Variants in TENM2 observed in about 807,000 individuals in gnomAD.
TENM2 encodes teneurin-2.
TENM2 carries 52 observed loss-of-function variants against 245.2 expected under a neutral mutation model. That is an observed-to-expected ratio of 0.21 (90% CI 0.17 to 0.27). The LOEUF (loss-of-function observed/expected upper bound fraction) is 0.27. Ranked by LOEUF, TENM2 falls within the 10% of genes least tolerant of loss-of-function variation. The pLI, the probability that TENM2 is intolerant of heterozygous loss-of-function variation, is 1.00. For missense variants in TENM2, 3,046 were observed against 3,666.8 expected, an observed-to-expected ratio of 0.83 and a Z score of 4.37; for synonymous variants, 1,363 against 1,438.9, an observed-to-expected ratio of 0.95 and a Z score of 1.19.
intron 2 of TENM2, among the ~76,000 whole-genome samples, chr5:167,765,422 T>C (rs755215979): frequency 6.6e-6 from 1 of 152,180 alleles, no homozygotes; most frequent in Non-Finnish European, 1.5e-5. Context: ...AAAGGCATCA[T>C]GGGCTTGATT....
At chr5:167,169,775 T>A in the TENM2 span, among the ~76,000 whole-genome samples, 1 of 152,210 alleles carries the variant, frequency 6.6e-6, no homozygotes, top group Non-Finnish European at 1.5e-5. Context: ...GGCCTTCCTC[T>A]TGGTGCCATG....
chr5:167,880,337 G>T (rs1365754233), intron 3 of TENM2, among the ~76,000 whole-genome samples: 2 of 152,026 alleles, frequency 1.3e-5, no homozygotes, highest in East Asian at 3.9e-4. Context: ...CTGGCCAACA[G>T]TTGTTAAAAA....
intron 3 of TENM2, among the ~76,000 whole-genome samples, chr5:167,947,867 A>AT (rs1159878813): frequency 1.3e-5 from 2 of 151,966 alleles, no homozygotes; most frequent in Non-Finnish European, 2.9e-5. Flanking sequence ...CCTGACTTTT[A>AT]TTTTTTTCTT....
At chr5:167,995,470 A>G (rs1783985418) in intron 5 of TENM2, among the ~76,000 whole-genome samples, 1 of 152,234 alleles carries the variant, frequency 6.6e-6, no homozygotes, top group African/African-American at 2.4e-5. Context: ...TTTATGACAC[A>G]AAATGAGTGA....
intron 2 of TENM2, among the ~76,000 whole-genome samples, chr5:167,389,840 G>A (rs1360900885): frequency 2.0e-5 from 3 of 152,142 alleles, no homozygotes; most frequent in Admixed American, 6.6e-5. Context: ...ATTACGGATC[G>A]AAATATTTTT....
chr5:168,148,840 T>C (rs150285901), intron 12 of TENM2, among the ~76,000 whole-genome samples: 2 of 151,786 alleles, frequency 1.3e-5, no homozygotes, highest in East Asian at 3.9e-4. Context: ...GTAAGGAATG[T>C]TTGACAGATT....
the TENM2 span, among the ~76,000 whole-genome samples, chr5:167,086,497 G>A: frequency 6.6e-6 from 1 of 152,118 alleles, no homozygotes; most frequent in African/African-American, 2.4e-5. Context: ...AAATACTCAG[G>A]AGAATGCCTA....
chr5:167,356,501 G>A (rs964735570), intron 1 of TENM2, among the ~76,000 whole-genome samples: 1 of 152,196 alleles, frequency 6.6e-6, no homozygotes, highest in Admixed American at 6.5e-5. Context: ...GGAAAGGCAA[G>A]GAAAGTTGCT....
chr5:167,682,919 G>A (rs1756831110), intron 2 of TENM2, among the ~76,000 whole-genome samples: 1 of 152,124 alleles, frequency 6.6e-6, no homozygotes, highest in Admixed American at 6.5e-5. Flanking sequence ...GTCCTTTGTT[G>A]TTTTATTGGT....
intron 2 of TENM2, among the ~76,000 whole-genome samples, chr5:167,767,879 T>G (rs1240335348): frequency 6.6e-6 from 1 of 152,226 alleles, no homozygotes; most frequent in East Asian, 1.9e-4. Flanking sequence ...GATGTCTTGG[T>G]GCATGACAAG....
intron 2 of TENM2, among the ~76,000 whole-genome samples, chr5:167,384,369 A>C (rs963193042): frequency 6.6e-6 from 1 of 152,180 alleles, no homozygotes; most frequent in African/African-American, 2.4e-5. Flanking sequence ...GATGATGGAT[A>C]TTCTAAATGA....
At chr5:167,019,048 C>G in the TENM2 span, among the ~76,000 whole-genome samples, 7 of 152,270 alleles carry the variant, frequency 4.6e-5, no homozygotes, top group African/African-American at 1.7e-4. Flanking sequence ...TAATTGTGAG[C>G]TTTGCATTCC....
At chr5:168,035,617 A>G (rs576090820) in intron 5 of TENM2, among the ~76,000 whole-genome samples, 209 of 152,278 alleles carry the variant, frequency 1.4e-3, no homozygotes, top group African/African-American at 4.8e-3. Context: ...TGGACATTTC[A>G]GAAGAGACCC....
chr5:168,245,030 G>A (rs1386554604), intron 26 of TENM2, among the ~76,000 whole-genome samples: 1 of 152,066 alleles, frequency 6.6e-6, no homozygotes, highest in African/African-American at 2.4e-5. Context: ...GCCTCCCAAA[G>A]TGCTGGGATT....
chr5:168,090,830 C>T (rs1311829787), intron 8 of TENM2, 61 bp downstream of exon 10: 8 of 1,451,334 alleles, frequency 5.5e-6, no homozygotes, highest in South Asian at 1.2e-5. Context: ...TTCTGGGCTT[C>T]TCTGCAGAAG....
chr5:167,049,512 G>C, the TENM2 span, among the ~76,000 whole-genome samples: 27 of 152,192 alleles, frequency 1.8e-4, no homozygotes, highest in African/African-American at 6.3e-4. Context: ...TAAAAGAACT[G>C]TGTATACATC....
chr5:167,650,489 A>C (rs1489111724), intron 2 of TENM2, among the ~76,000 whole-genome samples: 2 of 152,186 alleles, frequency 1.3e-5, no homozygotes, highest in East Asian at 1.9e-4. Context: ...AGGTTGTTAG[A>C]AGAGTGCTAA....
intron 2 of TENM2, among the ~76,000 whole-genome samples, chr5:167,546,551 G>A (rs1772572411): frequency 6.6e-6 from 1 of 152,180 alleles, no homozygotes; most frequent in African/African-American, 2.4e-5. Flanking sequence ...GAACATTAAA[G>A]TGACAGAAGG....
chr5:167,965,788 A>G (rs1199676116), intron 4 of TENM2, among the ~76,000 whole-genome samples: 1 of 151,964 alleles, frequency 6.6e-6, no homozygotes. Flanking sequence ...GGGCTGGGGG[A>G]ATTAAGTTAT....
Sources: gnomAD v4.1 joint callset for allele counts (sites outside exome capture counted in the v4.1 genomes callset) on GRCh38, gnomAD v4.1.1 for gene constraint, MANE v1.5 for transcripts, NCBI Gene and HGNC (gene_info 2026-07-23, HGNC 2026-07-21) for gene names.